FARP2: variants seen among roughly 807,000 people sequenced by gnomAD.
The protein encoded by FARP2 is FERM, ARH/RhoGEF and pleckstrin domain protein 2, also known as FERM, ARHGEF and pleckstrin domain-containing protein 2.
In FARP2, 111 loss-of-function variants were observed where a neutral mutation model predicts 130.5. That is an observed-to-expected ratio of 0.85 (90% CI 0.73 to 1.00). The LOEUF is 1.00. FARP2 is among the 50% of genes least tolerant of loss of function. The pLI, the probability that FARP2 is intolerant of heterozygous loss-of-function variation, is 0.00. For missense variants in FARP2, 1,385 were observed against 1,346.3 expected, an observed-to-expected ratio of 1.03 and a Z score of -0.45; for synonymous variants, 504 against 516.9, an observed-to-expected ratio of 0.98 and a Z score of 0.34.
intron 7 of FARP2, among the ~76,000 whole-genome samples, chr2:241,414,816 C>T (rs934922509): frequency 1.3e-5 from 2 of 152,076 alleles, no homozygotes; most frequent in Non-Finnish European, 2.9e-5. Context: ...CAAGGAGGCT[C>T]GTGGGAGGAC....
At chr2:241,443,069 G>C in intron 13 of FARP2, 1 of 232,090 alleles carries the variant, frequency 4.3e-6, no homozygotes, top group Non-Finnish European at 8.3e-6. Context: ...GTGTGCTGTG[G>C]TCAAACTCGT....
intron 1 of FARP2, among the ~76,000 whole-genome samples, chr2:241,368,537 A>G (rs1161406818): frequency 6.6e-6 from 1 of 152,148 alleles, no homozygotes; most frequent in Non-Finnish European, 1.5e-5. Flanking sequence ...TTTATGTGAA[A>G]CAGCCTCAGC....
At chr2:241,370,178 A>T (rs932851974) in intron 1 of FARP2, among the ~76,000 whole-genome samples, 2 of 152,172 alleles carry the variant, frequency 1.3e-5, no homozygotes, top group African/African-American at 4.8e-5. Context: ...GGAGGAGTGG[A>T]TTTGGAATGT....
intron 12 of FARP2, among the ~76,000 whole-genome samples, chr2:241,436,893 G>A (rs998529640): frequency 6.6e-6 from 1 of 152,184 alleles, no homozygotes; most frequent in Non-Finnish European, 1.5e-5. Context: ...AGCTGAGGTG[G>A]AAGAATGTCT....
chr2:241,478,966 T>A (rs1029669154), intron 19 of FARP2: 1 of 424,364 alleles, frequency 2.4e-6, no homozygotes, highest in African/African-American at 2.1e-5. Context: ...AGGCCAAGAT[T>A]TTGCAAGAAC....
At chr2:241,427,434 G>A (rs978846803) in intron 8 of FARP2, among the ~76,000 whole-genome samples, 7 of 152,160 alleles carry the variant, frequency 4.6e-5, no homozygotes, top group Non-Finnish European at 8.8e-5. Context: ...CAAGGCAAGA[G>A]AATCACCAGA....
chr2:241,454,006 G>A (rs1345083418), intron 13 of FARP2, among the ~76,000 whole-genome samples: 2 of 151,554 alleles, frequency 1.3e-5, no homozygotes, highest in Admixed American at 1.3e-4. Flanking sequence ...AGCTGGTCTC[G>A]AACTCCTGAC....
At chr2:241,451,451 C>T (rs1467086928) in intron 13 of FARP2, among the ~76,000 whole-genome samples, 1 of 152,148 alleles carries the variant, frequency 6.6e-6, no homozygotes, top group Non-Finnish European at 1.5e-5. Context: ...TTAATGTTGG[C>T]AATTGAAGTC....
rs1184534851 is a variant in FARP2 at position 241,475,096 on chromosome 2, T to G, written c.2132-761T>G. ...TCCTGGTTAAAAGAGAAAGTTACAA[T>G]TGCTTTGAAGGTGCAAATCATTTAG... is the stretch of plus-strand genomic sequence containing the variant. On this transcript the variant is annotated intron_variant, in intron 18 of 26. Transcript: ENST00000264042. The surrounding 1 kb of genome is among the most constrained non-coding windows in gnomAD (Gnocchi z 4.4). 2.0e-5 allele frequency among the ~76,000 whole-genome samples: 3 copies of G among 152,262 alleles called. No homozygotes were observed. Among genetic ancestry groups the G allele is most frequent in the African/African-American group, 7.2e-5 (3 of 41,478 alleles).
Position 241,373,249 on chromosome 2 carries a change from G to A in FARP2, c.142G>A (p.Val48Ile). Residue 48 changes from valine to isoleucine, a missense_variant, in exon 2 of 27, where the codon GTA (valine) becomes ATA (isoleucine). Coordinates refer to ENST00000264042, the MANE Select transcript of FARP2 (RefSeq NM_014808.4). ...RMQEKHLHLR[V>I]KLLDNTMEIF... ...GCAAGAGAAGCACCTGCACCTCAGA[G>A]TAAAGCTGCTGGACAACACCATGGA... The A allele has an allele frequency of 6.5e-7, 1 of 1,535,966 alleles. No homozygotes were observed.
At chr2:241,492,831 G>GAGAA (rs1223331877) in intron 24 of FARP2, 98 bp from the exon 25 acceptor site, 4 of 712,288 alleles carry the variant, frequency 5.6e-6, no homozygotes, top group Non-Finnish European at 1.0e-5. Flanking sequence ...GCCTCAGCTG[G>GAGAA]AGAAAGCATG....
intron 2 of FARP2, among the ~76,000 whole-genome samples, chr2:241,380,844 G>A (rs1450882847): frequency 6.6e-6 from 1 of 152,066 alleles, no homozygotes; most frequent in Non-Finnish European, 1.5e-5. Flanking sequence ...CCTGCAAAGA[G>A]GTCAGAATCA....
intron 13 of FARP2, among the ~76,000 whole-genome samples, chr2:241,453,745 G>T (rs2150446395): frequency 1.6e-5 from 2 of 128,840 alleles, no homozygotes; most frequent in African/African-American, 3.0e-5. Flanking sequence ...ATGAGGGGTT[G>T]TTTACTGGGA....
chr2:241,472,694 T>C (rs3771588), intron 18 of FARP2, among the ~76,000 whole-genome samples: 68,821 of 150,788 alleles, frequency 0.46, 15,901 homozygotes, highest in Admixed American at 0.58. Flanking sequence ...CTGAGGGGAC[T>C]CTGTTCTGAG....
At chr2:241,456,683 C>T in intron 13 of FARP2, 64 bp from the exon 14 acceptor site, 1 of 1,559,698 alleles carries the variant, frequency 6.4e-7, no homozygotes, top group East Asian at 2.2e-5. Flanking sequence ...GTAGTAGCGG[C>T]TCTAAGCCAG....
intron 13 of FARP2, chr2:241,443,157 G>C (rs1035795680): frequency 1.8e-5 from 4 of 227,344 alleles, no homozygotes; most frequent in Non-Finnish European, 3.5e-5. Context: ...AGTGGAGAAA[G>C]AGTCCCACTG....
chr2:241,373,075 TC>T lies in FARP2; in HGVS notation c.-24-8del, dbSNP rs754855513. 7 of 1,307,826 alleles carry T rather than the reference TC, an allele frequency of 5.4e-6. No homozygotes were observed. In the African/African-American group the frequency reaches 7.6e-5, roughly 14 times the overall value. 81.0% of individuals were successfully genotyped at this position (1,307,826 alleles called of 1,614,324 possible). ...TTCCTTCATGTGGTTTTTTTTTTTT[TC>T]ATTTTAGTGTTTTCTTCACTCATGG... On this transcript the variant is annotated splice_polypyrimidine_tract_variant and splice_region_variant and intron_variant, in intron 1 of 26. Transcript: ENST00000264042.
chr2:241,425,869 T>G (rs1034964413), intron 8 of FARP2, among the ~76,000 whole-genome samples: 2 of 151,572 alleles, frequency 1.3e-5, no homozygotes, highest in Non-Finnish European at 2.9e-5. Flanking sequence ...TTTTGTTTTT[T>G]TTTTTTTGAG....
chr2:241,402,881 T>TA (rs71049574), intron 2 of FARP2, among the ~76,000 whole-genome samples: 10 of 9,798 alleles, frequency 1.0e-3, no homozygotes, highest in Non-Finnish European at 1.1e-3. Context: ...TATATATATA[T>TA]TTTTTTTTTT....
Sources: gnomAD v4.1 joint callset for allele counts (sites outside exome capture counted in the v4.1 genomes callset) on GRCh38, gnomAD v4.1.1 for gene constraint, Gnocchi (gnomAD v3.1) non-coding constraint, MANE v1.5 for transcripts, NCBI Gene and HGNC (gene_info 2026-07-23, HGNC 2026-07-21) for gene names.